HERPUD2: variants seen among roughly 807,000 people sequenced by gnomAD.
HERPUD2 encodes homocysteine-responsive endoplasmic reticulum-resident ubiquitin-like domain member 2 protein.
Under a neutral mutation model 49.9 loss-of-function variants are expected in HERPUD2, and 13 were observed. The observed-to-expected ratio is 0.26, with a 90% confidence interval of 0.17 to 0.41. The LOEUF (loss-of-function observed/expected upper bound fraction) is 0.41. Among genes scored for constraint, HERPUD2 ranks in the 10% least tolerant of loss-of-function variants. HERPUD2 has a pLI of 1.00. For missense variants in HERPUD2, 449 were observed against 492.2 expected (o/e 0.91, Z 0.83); for synonymous variants, 172 against 171.4 (o/e 1.00, Z -0.03).
At chr7:35,635,798 C>T (rs113966448) in intron 6 of HERPUD2, among the ~76,000 whole-genome samples, 184 of 152,298 alleles carry the variant, frequency 1.2e-3, no homozygotes, top group African/African-American at 4.4e-3. Context: ...TGAATGCCCC[C>T]TTTTGTTATT....
At chr7:35,635,595 T>C (rs1275921742) in intron 6 of HERPUD2, 137 bp from the exon 7 acceptor site, 5 of 714,776 alleles carry the variant, frequency 7.0e-6, no homozygotes, top group Non-Finnish European at 1.1e-5. Context: ...CCACATTTCT[T>C]AGGTAAGCAC....
chr7:35,689,331 G>A (rs1379097982), intron 2 of HERPUD2, among the ~76,000 whole-genome samples: 3 of 152,026 alleles, frequency 2.0e-5, no homozygotes, highest in Non-Finnish European at 2.9e-5. Context: ...TATATTCCCA[G>A]GCGACATGAA....
At chr7:35,650,421 G>C (rs140403291) in intron 5 of HERPUD2, among the ~76,000 whole-genome samples, 1 of 152,004 alleles carries the variant, frequency 6.6e-6, no homozygotes, top group African/African-American at 2.4e-5. Flanking sequence ...AGACTAACAG[G>C]AGACCACATG....
chr7:35,684,218 C>T (rs576261531), intron 2 of HERPUD2, among the ~76,000 whole-genome samples: 1 of 152,168 alleles, frequency 6.6e-6, no homozygotes, highest in South Asian at 2.1e-4. Context: ...AACCCTGTCT[C>T]TACTAAAAAT....
chr7:35,690,135 T>G (rs898980724), intron 2 of HERPUD2, among the ~76,000 whole-genome samples: 2 of 152,200 alleles, frequency 1.3e-5, no homozygotes, highest in Non-Finnish European at 2.9e-5. Context: ...TACCTAAATT[T>G]TAGAATTATT....
chr7:35,691,032 T>C (rs1786172586), intron 2 of HERPUD2, among the ~76,000 whole-genome samples: 2 of 152,216 alleles, frequency 1.3e-5, no homozygotes, highest in African/African-American at 2.4e-5. Context: ...TCACATACTA[T>C]TACGCTTATT....
intron 4 of HERPUD2, 36 bp downstream of exon 4, chr7:35,670,179 A>T: frequency 9.5e-7 from 1 of 1,056,392 alleles, no homozygotes; most frequent in Non-Finnish European, 1.4e-6. Context: ...AAAAAAAAAG[A>T]AAAGTTCAAT....
intron 4 of HERPUD2, among the ~76,000 whole-genome samples, chr7:35,668,294 T>C (rs725471): frequency 6.6e-6 from 1 of 152,152 alleles, no homozygotes; most frequent in Middle Eastern, 3.2e-3. Flanking sequence ...AGAATCAAGA[T>C]GTTAATCAGT....
chr7:35,685,416 C>T (rs1786015934), intron 2 of HERPUD2, among the ~76,000 whole-genome samples: 1 of 150,982 alleles, frequency 6.6e-6, no homozygotes, highest in Admixed American at 6.6e-5. Flanking sequence ...CTCCGCCTCC[C>T]AGGCTTAAGC....
intron 5 of HERPUD2, among the ~76,000 whole-genome samples, chr7:35,655,589 G>C (rs1052551651): frequency 1.3e-5 from 2 of 152,114 alleles, no homozygotes; most frequent in African/African-American, 4.8e-5. Flanking sequence ...ACATCATACT[G>C]AGTAAGTAAA....
intron 5 of HERPUD2, among the ~76,000 whole-genome samples, chr7:35,660,657 T>C (rs181147467): frequency 1.2e-3 from 183 of 152,374 alleles, no homozygotes; most frequent in African/African-American, 4.3e-3. Flanking sequence ...CATGTGTCTA[T>C]TGGCTGCATA....
chr7:35,672,268 TA>T (rs70974760), intron 3 of HERPUD2, among the ~76,000 whole-genome samples: 27,281 of 142,828 alleles, frequency 0.19, 2,848 homozygotes, highest in East Asian at 0.3. Flanking sequence ...AAAAATTGTT[TA>T]AAAAAAAAAA....
At chr7:35,659,712 AC>A (rs1295857026) in intron 5 of HERPUD2, among the ~76,000 whole-genome samples, 2 of 152,158 alleles carry the variant, frequency 1.3e-5, no homozygotes, top group Non-Finnish European at 2.9e-5. Flanking sequence ...ATTAAGCTAT[AC>A]TGCCTTCATT....
chr7:35,638,768 C>T (rs997547223), intron 5 of HERPUD2, among the ~76,000 whole-genome samples: 4 of 152,140 alleles, frequency 2.6e-5, no homozygotes, highest in Admixed American at 6.5e-5. Context: ...CATTTCATTA[C>T]ATGAAGCCAA....
chr7:35,666,398 TAA>T (rs1369751487), intron 5 of HERPUD2, among the ~76,000 whole-genome samples: 4 of 152,318 alleles, frequency 2.6e-5, no homozygotes, highest in African/African-American at 9.6e-5. Flanking sequence ...AAGTTCTAAG[TAA>T]AAAGTACCTG....
At chr7:35,648,587 T>C (rs1410509373) in intron 5 of HERPUD2, among the ~76,000 whole-genome samples, 1 of 152,190 alleles carries the variant, frequency 6.6e-6, no homozygotes, top group African/African-American at 2.4e-5. Context: ...TGCTGACCTG[T>C]TGAGAGTGGC....
At chr7:35,693,384 G>GA (rs1365172043) in intron 2 of HERPUD2, among the ~76,000 whole-genome samples, 3 of 152,032 alleles carry the variant, frequency 2.0e-5, no homozygotes, top group African/African-American at 7.3e-5. Context: ...TTTGGTCCTT[G>GA]AAACATATAT....
intron 3 of HERPUD2, among the ~76,000 whole-genome samples, chr7:35,671,768 T>G (rs975108268): frequency 5.9e-5 from 9 of 152,122 alleles, no homozygotes; most frequent in Non-Finnish European, 1.2e-4. Flanking sequence ...AAGCAGTTTT[T>G]ATTTTAAGTT....
At chr7:35,660,224 G>A (rs547174700) in intron 5 of HERPUD2, among the ~76,000 whole-genome samples, 69 of 152,154 alleles carry the variant, frequency 4.5e-4, no homozygotes, top group African/African-American at 1.5e-3. Context: ...TTTTTATGGC[G>A]GCATAGTATT....
Sources: gnomAD v4.1 joint callset for allele counts (sites outside exome capture counted in the v4.1 genomes callset) on GRCh38, gnomAD v4.1.1 for gene constraint, MANE v1.5 for transcripts, NCBI Gene and HGNC (gene_info 2026-07-23, HGNC 2026-07-21) for gene names.